The following C9 variants were observed in gnomAD, a reference collection of about 807,000 sequenced individuals.
The protein encoded by C9 is complement component C9.
Under a neutral mutation model 65.4 loss-of-function variants are expected in C9, and 63 were observed. The ratio of observed to expected loss-of-function variants is 0.96; its 90% confidence interval spans 0.79 to 1.19. The LOEUF is 1.19. Among genes scored for constraint, C9 ranks in the 50% most tolerant of loss-of-function variants. The pLI is 0.00. For missense variants in C9, 744 were observed against 670.1 expected (o/e 1.11, Z -1.22); for synonymous variants, 229 against 227.9 (o/e 1.00, Z -0.04).
At chr5:39,363,688 A>G (rs1754563161) in intron 1 of C9, among the ~76,000 whole-genome samples, 1 of 152,172 alleles carries the variant, frequency 6.6e-6, no homozygotes, top group Admixed American at 6.5e-5. Context: ...CCTAACCTCC[A>G]CCATTTCTAG....
At chr5:39,346,030 G>A (rs1281648876) in intron 1 of C9, among the ~76,000 whole-genome samples, 1 of 152,128 alleles carries the variant, frequency 6.6e-6, no homozygotes, top group East Asian at 1.9e-4. Flanking sequence ...AGTGTGTAGA[G>A]GGAAATTTAT....
At chr5:39,354,430 T>C (rs1281448110) in intron 1 of C9, among the ~76,000 whole-genome samples, 1 of 152,232 alleles carries the variant, frequency 6.6e-6, no homozygotes, top group East Asian at 1.9e-4. Flanking sequence ...TCAATGTTTT[T>C]AAAAAGTTAC....
intron 1 of C9, among the ~76,000 whole-genome samples, chr5:39,360,344 T>C (rs1347268420): frequency 6.6e-6 from 1 of 152,096 alleles, no homozygotes; most frequent in East Asian, 1.9e-4. Context: ...AGACAGCAGC[T>C]ACTTGGTGGC....
At chr5:39,292,650 A>G (rs370532469) in intron 9 of C9, among the ~76,000 whole-genome samples, 64 of 151,950 alleles carry the variant, frequency 4.2e-4, no homozygotes, top group African/African-American at 1.5e-3. Flanking sequence ...GCATTGTAGT[A>G]TGAGTTTATA....
chr5:39,325,964 A>T (rs1561344145), intron 5 of C9, among the ~76,000 whole-genome samples: 1 of 150,972 alleles, frequency 6.6e-6, no homozygotes, highest in African/African-American at 2.4e-5. Flanking sequence ...CTTAGAACCC[A>T]CTCCTTCTTT....
At chr5:39,335,079 G>A (rs1293733632) in intron 4 of C9, among the ~76,000 whole-genome samples, 1 of 151,956 alleles carries the variant, frequency 6.6e-6, no homozygotes, top group Non-Finnish European at 1.5e-5. Flanking sequence ...TAAAATACTG[G>A]AAGCAAATGA....
At chr5:39,347,787 A>C (rs1053578759) in intron 1 of C9, among the ~76,000 whole-genome samples, 31 of 152,314 alleles carry the variant, frequency 2.0e-4, no homozygotes, top group African/African-American at 6.5e-4. Flanking sequence ...AGGCTACAGT[A>C]ACCAAAACAG....
chr5:39,290,702 C>T (rs920951234), intron 9 of C9, among the ~76,000 whole-genome samples: 1 of 151,684 alleles, frequency 6.6e-6, no homozygotes, highest in African/African-American at 2.4e-5. Context: ...AAGAGGTGGG[C>T]CCAGTATTCT....
chr5:39,311,343 T>C lies in C9; in HGVS notation c.905A>G (p.His302Arg). 3 of 1,612,748 alleles carry C rather than the reference T, an allele frequency of 1.9e-6. No individual in the cohort carries two copies. The highest frequency in any genetic ancestry group is 2.5e-6 in the Non-Finnish European group (3 of 1,178,936). Residue 302 changes from histidine (H) to arginine (R), a missense_variant, in exon 7 of 11, where the codon CAT becomes CGT. By Grantham distance (29) the His-to-Arg change is conservative (BLOSUM62 0). Transcript: ENST00000263408. ...ATTTCTCATTACAAATCTTCCCAGA[T>C]GAATTTCTCCTTTCACATGCAGAAA... ...KMFLHVKGEI[H>R]LGRFVMRNRD...
At chr5:39,289,957 A>C (rs1753059294) in intron 9 of C9, among the ~76,000 whole-genome samples, 1 of 151,912 alleles carries the variant, frequency 6.6e-6, no homozygotes. Context: ...TTAGATGTAA[A>C]GAAAATGAAG....
chr5:39,349,194 A>AC (rs1386650220), intron 1 of C9, among the ~76,000 whole-genome samples: 1 of 151,658 alleles, frequency 6.6e-6, no homozygotes, highest in Non-Finnish European at 1.5e-5. Context: ...AAAAAAAAAA[A>AC]ACACAGAAAA....
intron 9 of C9, among the ~76,000 whole-genome samples, chr5:39,295,188 T>C (rs1225590195): frequency 6.6e-6 from 1 of 151,796 alleles, no homozygotes; most frequent in Non-Finnish European, 1.5e-5. Context: ...TTTAACATAG[T>C]ACTGGAAATC....
chr5:39,341,295 T>C lies in C9; in HGVS notation c.329-2A>G. ...GAAGTCGCATCTTTATGCATCTGCC[T>C]GCAATCAAAATCAGGAGAGACTCAA... On this transcript the variant is annotated splice_acceptor_variant, in intron 3 of 10. Transcript: ENST00000263408. LOFTEE classifies it high-confidence loss of function. 1.2e-6 allele frequency: 2 copies of C among 1,614,050 alleles called. No individual in the cohort carries two copies. The highest frequency in any genetic ancestry group is 1.7e-6 in the Non-Finnish European group (2 of 1,179,884).
chr5:39,325,231 T>C (rs1367781845), intron 5 of C9, among the ~76,000 whole-genome samples: 1 of 152,188 alleles, frequency 6.6e-6, no homozygotes, highest in African/African-American at 2.4e-5. Flanking sequence ...AACAGATTCA[T>C]TGTAACCTTT....
chr5:39,311,655 C>T (rs950017238), intron 6 of C9, among the ~76,000 whole-genome samples: 1 of 152,136 alleles, frequency 6.6e-6, no homozygotes, highest in Non-Finnish European at 1.5e-5. Flanking sequence ...CACACATTTG[C>T]TTATGACCAG....
chr5:39,286,677 G>A (rs1268161126), intron 10 of C9, among the ~76,000 whole-genome samples: 1 of 151,788 alleles, frequency 6.6e-6, no homozygotes, highest in Non-Finnish European at 1.5e-5. Context: ...GTAGAAAATA[G>A]ACGTTCCAAG....
chr5:39,321,965 GA>G (rs1753673569), intron 5 of C9, among the ~76,000 whole-genome samples: 1 of 151,990 alleles, frequency 6.6e-6, no homozygotes, highest in Admixed American at 6.6e-5. Context: ...AATTATTAAG[GA>G]AACATTGGAA....
chr5:39,309,417 G>T lies in C9; in HGVS notation c.1112-1059C>A, dbSNP rs554491806. Among the ~76,000 whole-genome samples the T allele has an allele frequency of 3.4e-3, 510 of 152,188 alleles. 2 individuals carry two copies. Among genetic ancestry groups the T allele is most frequent in the Admixed American group, 5.7e-3 (87 of 15,266 alleles). ...GGGGTAGACATCTGGGGGCATTTAG[G>T]CGTTTATTCACCTATCAAATATTTC... On this transcript the variant is annotated intron_variant, in intron 7 of 10. Transcript: ENST00000263408.
At chr5:39,330,769 C>T (rs1356277327) in intron 5 of C9, among the ~76,000 whole-genome samples, 3 of 152,110 alleles carry the variant, frequency 2.0e-5, no homozygotes, top group South Asian at 4.1e-4. Context: ...TGAAAAAAAA[C>T]ATGCCAGTCA....
Sources: allele counts gnomAD v4.1 joint callset (sites outside exome capture counted in the v4.1 genomes callset), GRCh38; gene constraint gnomAD v4.1.1; transcripts MANE v1.5; gene names NCBI Gene and HGNC (gene_info 2026-07-23, HGNC 2026-07-21).